The following SLC39A14 variants were observed in gnomAD, a reference collection of about 807,000 sequenced individuals.
The protein encoded by SLC39A14 is solute carrier family 39 member 14.
SLC39A14 carries 19 observed loss-of-function variants against 45.5 expected under a neutral mutation model. That is an observed-to-expected ratio of 0.42 (90% CI 0.29 to 0.61). The LOEUF is 0.61. Among genes scored for constraint, SLC39A14 ranks in the 20% least tolerant of loss-of-function variants. The pLI, the probability that SLC39A14 is intolerant of heterozygous loss-of-function variation, is 0.22. For missense variants in SLC39A14, 447 were observed against 616.5 expected (o/e 0.73, Z 2.91); for synonymous variants, 264 against 251.3 (o/e 1.05, Z -0.48).
intron 2 of SLC39A14, among the ~76,000 whole-genome samples, chr8:22,405,186 C>T: frequency 6.6e-6 from 1 of 152,224 alleles, no homozygotes; most frequent in Non-Finnish European, 1.5e-5. Context: ...CACCTTCTGA[C>T]CCCCTGCATA....
chr8:22,425,661 A>G (rs1836371887), downstream of SLC39A14, among the ~76,000 whole-genome samples: 1 of 152,018 alleles, frequency 6.6e-6, no homozygotes, highest in South Asian at 2.1e-4. Flanking sequence ...TTTTCAGCAG[A>G]TGTCTATTCT....
At chr8:22,401,526 CTCTT>C (rs1434152165) in intron 1 of SLC39A14, among the ~76,000 whole-genome samples, 1 of 145,270 alleles carries the variant, frequency 6.9e-6, no homozygotes, top group Non-Finnish European at 1.5e-5. Context: ...TTCTGTCTTT[CTCTT>C]TCTCTTCTCT....
intron 8 of SLC39A14, among the ~76,000 whole-genome samples, chr8:22,431,494 A>G (rs1046327580): frequency 1.3e-5 from 2 of 152,216 alleles, no homozygotes; most frequent in African/African-American, 4.8e-5. Flanking sequence ...AGTGGAAACA[A>G]GGGTTCCCTG....
intron 1 of SLC39A14, among the ~76,000 whole-genome samples, chr8:22,385,978 T>C (rs12548353): frequency 0.58 from 87,480 of 152,054 alleles, 26,601 homozygotes; most frequent in African/African-American, 0.78. Context: ...GTCTCACTCT[T>C]GCCTAGGCTG....
chr8:22,410,045 T>C (rs1835476161), intron 3 of SLC39A14: 1 of 1,614,178 alleles, frequency 6.2e-7, no homozygotes, highest in Non-Finnish European at 8.5e-7. Context: ...TTCAGCCGTG[T>C]GCTCACTTAC....
intron 1 of SLC39A14, among the ~76,000 whole-genome samples, chr8:22,404,288 T>A (rs1387553409): frequency 6.6e-6 from 1 of 151,888 alleles, no homozygotes; most frequent in African/African-American, 2.4e-5. Context: ...TAGTTGGGTG[T>A]GGTGGCGGGC....
At chr8:22,398,395 C>A (rs929504211) in intron 1 of SLC39A14, 1 of 152,254 alleles carries the variant, frequency 6.6e-6, no homozygotes, top group African/African-American at 2.4e-5. Flanking sequence ...GGTCGGGGGG[C>A]AGACACACAG....
intron 2 of SLC39A14, among the ~76,000 whole-genome samples, chr8:22,406,917 G>A (rs1024680994): frequency 6.6e-6 from 1 of 152,174 alleles, no homozygotes; most frequent in African/African-American, 2.4e-5. Flanking sequence ...CACACCAAGA[G>A]GGCTGACTCT....
At chr8:22,396,599 A>G (rs1485425335) in intron 1 of SLC39A14, among the ~76,000 whole-genome samples, 1 of 104,400 alleles carries the variant, frequency 9.6e-6, no homozygotes, top group Non-Finnish European at 2.0e-5. Context: ...AGAGAGAGAG[A>G]AGACTAAGTG....
At position 22,421,499 on chromosome 8, in the gene SLC39A14, G is replaced by GAGA. The variant is rs72577325; in HGVS notation, c.*1802_*1803insGAA. 3.0e-6 allele frequency: 3 copies of GAGA among 985,386 alleles called. No individual in the cohort carries two copies. The highest frequency in any genetic ancestry group is 9.4e-5 in the South Asian group (2 of 21,262). The allele number at this position is 985,386 out of a possible 1,614,324, so 61.0% of individuals were successfully genotyped here. On this transcript the variant is annotated 3_prime_UTR_variant, in exon 9 of 9. Coordinates refer to ENST00000381237, the MANE Select transcript of SLC39A14 (RefSeq NM_001128431.4). ...AATATCAGGACTGATTTCCTGGTGG[G>GAGA]ATTATGGTCCAGTTTTACCAAAGAA...
chr8:22,377,450 A>G (rs78100716), intron 1 of SLC39A14, among the ~76,000 whole-genome samples: 9,215 of 152,228 alleles, frequency 0.061, 350 homozygotes, highest in African/African-American at 0.1. Context: ...GTTCATTGCT[A>G]CAGCAGTTAT....
At chr8:22,409,682 T>C (rs1349481888) in intron 3 of SLC39A14, among the ~76,000 whole-genome samples, 1 of 152,202 alleles carries the variant, frequency 6.6e-6, no homozygotes, top group Non-Finnish European at 1.5e-5. Context: ...GCACCTGGCC[T>C]ACTTGTATGG....
intron 1 of SLC39A14, among the ~76,000 whole-genome samples, chr8:22,391,373 G>A (rs1402137660): frequency 6.6e-6 from 1 of 152,154 alleles, no homozygotes; most frequent in Admixed American, 6.5e-5. Flanking sequence ...CTTGGAGTGA[G>A]TTTTTAAAGC....
At chr8:22,397,468 C>T (rs531061472) in intron 1 of SLC39A14, among the ~76,000 whole-genome samples, 53 of 152,258 alleles carry the variant, frequency 3.5e-4, no homozygotes, top group African/African-American at 1.2e-3. Flanking sequence ...GTCCCAGCTA[C>T]TCGGGAGGCT....
intron 2 of SLC39A14, 23 bp downstream of exon 2, chr8:22,405,003 C>CAG (rs774492009): frequency 6.2e-7 from 1 of 1,604,664 alleles, no homozygotes; most frequent in Non-Finnish European, 8.5e-7. Context: ...TGTGAGCCAG[C>CAG]AGCTCTGCTC....
rs781485871 is a variant in SLC39A14, at chr8:22,408,362, G to A, written c.323G>A (p.Arg108Gln). The change falls in exon 3 of 9, where the codon CGG (arginine) becomes CAG (glutamine). Residue 108 changes from arginine to glutamine, a missense_variant. Transcript: ENST00000381237. Reference sequence around the variant, plus strand: ...GCCCACAATTTCAGCGAGCAGTCGCGGATTGGGAGCAGCGAGCTCCAGGAG... The same window carrying A: ...GCCCACAATTTCAGCGAGCAGTCGCAGATTGGGAGCAGCGAGCTCCAGGAG... ...FTAHNFSEQS[R>Q]IGSSELQEFC... is the part of the protein sequence containing the mutation. The A allele has an allele frequency of 1.2e-5, 20 of 1,614,092 alleles. No individual in the cohort carries two copies. The highest frequency in any genetic ancestry group is 6.7e-5 in the Admixed American group (4 of 59,998).
chr8:22,382,415 A>C (rs540275093), intron 1 of SLC39A14, among the ~76,000 whole-genome samples: 1 of 152,296 alleles, frequency 6.6e-6, no homozygotes, highest in South Asian at 2.1e-4. Flanking sequence ...ATGTGCCTGT[A>C]GTCCCAGCTA....
chr8:22,385,546 G>T lies in SLC39A14; in HGVS notation c.-16+18138G>T, dbSNP rs74367532. On this transcript the variant is annotated intron_variant, in intron 1 of 8. Coordinates refer to ENST00000381237, the MANE Select transcript of SLC39A14 (RefSeq NM_001128431.4). ...GGCAGAGGGAATAGCAGGTGCAAAGGCTCTGAGGTCAGAATGAGCTTGATG... is the reference window on the plus strand; with the variant it reads ...GGCAGAGGGAATAGCAGGTGCAAAGTCTCTGAGGTCAGAATGAGCTTGATG... 9.3e-3 allele frequency among the ~76,000 whole-genome samples: 1,412 copies of T among 152,326 alleles called. 25 individuals carry two copies. Among genetic ancestry groups the T allele is most frequent in the African/African-American group, 0.032 (1,321 of 41,556 alleles).
chr8:22,426,321 A>G (rs1297137410), downstream of SLC39A14, among the ~76,000 whole-genome samples: 1 of 152,002 alleles, frequency 6.6e-6, no homozygotes, highest in African/African-American at 2.4e-5. Context: ...TCAGCTCCCA[A>G]TTAGCTGGGG....
Sources: gnomAD v4.1 joint callset for allele counts (sites outside exome capture counted in the v4.1 genomes callset) on GRCh38, gnomAD v4.1.1 for gene constraint, MANE v1.5 for transcripts, NCBI Gene and HGNC (gene_info 2026-07-23, HGNC 2026-07-21) for gene names.